The following COL11A1 variants were observed in gnomAD, a reference collection of about 807,000 sequenced individuals.
COL11A1 encodes collagen type XI alpha 1 chain.
COL11A1 carries 74 observed loss-of-function variants against 265.2 expected under a neutral mutation model. That is an observed-to-expected ratio of 0.28 (90% CI 0.23 to 0.34). COL11A1 has a LOEUF of 0.34. Among genes scored for constraint, COL11A1 ranks in the 10% least tolerant of loss-of-function variants. COL11A1 has a pLI of 1.00. For missense variants in COL11A1, 2,165 were observed against 2,263.6 expected (o/e 0.96, Z 0.88); for synonymous variants, 816 against 727.6 (o/e 1.12, Z -1.96).
Position 103,012,419 on chromosome 1 carries a change from A to G in COL11A1, c.1623T>C (p.Gly541=), listed in dbSNP as rs913191650. The change falls in exon 14 of 67, where the codon GGT becomes GGC. Residue 541 remains glycine (G), a synonymous_variant. Transcript: ENST00000370096. ...CTTTGTTGGGGTAACCTACCACAGG[A>G]CCTGGTCTTCCAGTTAGACCCATTG... ...PGPMGLTGRP[G]PVGGPGSSGA... 6.2e-7 allele frequency: 1 copy of G among 1,613,186 alleles called. No homozygotes were observed. Among genetic ancestry groups the G allele is most frequent in the Middle Eastern group, 1.7e-4 (1 of 6,060 alleles).
intron 1 of COL11A1, among the ~76,000 whole-genome samples, chr1:103,103,535 A>T (rs1486694572): frequency 1.3e-5 from 2 of 152,006 alleles, no homozygotes; most frequent in East Asian, 3.8e-4. Context: ...TAGAGTATTT[A>T]AAAAATTCAT....
intron 36 of COL11A1, among the ~76,000 whole-genome samples, chr1:102,971,519 C>G (rs865785673): frequency 1.3e-5 from 2 of 152,004 alleles, no homozygotes; most frequent in Non-Finnish European, 1.5e-5. Context: ...ACAGGTACAC[C>G]TCTCATTGTA....
rs554203334 is a variant in COL11A1, at chr1:102,952,889, AT to A, written c.3169-5934del. 6.5e-4 allele frequency among the ~76,000 whole-genome samples: 99 copies of A among 152,304 alleles called. 1 individual carries two copies. The Middle Eastern group carries it at 0.01, about 16-fold the overall frequency. The stretch of plus-strand genomic sequence containing the variant: ...TCAACAGAATCACTGGAGAAGTTAT[AT>A]TTTTTAAGCAAAAATTTAAGCCCAA... On this transcript the variant is annotated intron_variant, in intron 41 of 66. Coordinates refer to ENST00000370096, the MANE Select transcript of COL11A1 (RefSeq NM_001854.4).
chr1:102,939,801 G>C (rs984022), intron 43 of COL11A1, among the ~76,000 whole-genome samples: 82,709 of 151,902 alleles, frequency 0.54, 23,319 homozygotes, highest in East Asian at 0.86. Flanking sequence ...TCAGAGTGCT[G>C]GTTTAAAAAT....
At position 103,061,227 on chromosome 1, in the gene COL11A1, A is replaced by G. The variant is rs1184564656; in HGVS notation, c.651+13391T>C. Among the ~76,000 whole-genome samples the G allele has an allele frequency of 3.9e-5, 6 of 152,288 alleles. No individual in the cohort carries two copies. In the South Asian group the frequency reaches 1.2e-3, roughly 32 times the overall value. On this transcript the variant is annotated intron_variant, in intron 4 of 66. Coordinates refer to ENST00000370096, the MANE Select transcript of COL11A1 (RefSeq NM_001854.4). ...CCAAAAAGACATAAATCTTTAATGCATATGCACCTAACAAAATACATGAAG... is the reference window on the plus strand; with the variant it reads ...CCAAAAAGACATAAATCTTTAATGCGTATGCACCTAACAAAATACATGAAG...
intron 7 of COL11A1, among the ~76,000 whole-genome samples, chr1:103,024,735 A>T (rs76951892): frequency 0.079 from 12,023 of 152,158 alleles, 531 homozygotes; most frequent in Middle Eastern, 0.14. Flanking sequence ...TTTATTATTC[A>T]CAATTTTGTG....
At position 102,914,384 on chromosome 1, in the gene COL11A1, C is replaced by T; in HGVS notation, c.3946G>A (p.Asp1316Asn). The T allele has an allele frequency of 6.2e-7, 1 of 1,608,720 alleles. No homozygotes were observed. ...GNPGPVGFPG[D>N]PGPPGEPGPA... ...CCAGGTTCCCCAGGAGGACCAGGAT[C>T]TCCAGGAAAACCAACAGGACCCTAG... The change falls in exon 52 of 67, where the codon GAT (aspartate) becomes AAT (asparagine). Residue 1316 changes from aspartate to asparagine, a missense_variant. Asp to Asn is a conservative substitution (Grantham distance 23, BLOSUM62 1). Coordinates refer to ENST00000370096, the MANE Select transcript of COL11A1 (RefSeq NM_001854.4).
At chr1:103,036,867 T>A (rs1374763109) in intron 4 of COL11A1, among the ~76,000 whole-genome samples, 1 of 152,072 alleles carries the variant, frequency 6.6e-6, no homozygotes, top group African/African-American at 2.4e-5. Context: ...TACTTTGTGA[T>A]CTCCAGCTGT....
intron 38 of COL11A1, among the ~76,000 whole-genome samples, chr1:102,963,230 C>A (rs1315151747): frequency 6.6e-6 from 1 of 152,038 alleles, no homozygotes; most frequent in Non-Finnish European, 1.5e-5. Context: ...CAGTGGTTCT[C>A]CCTGGAATTT....
chr1:102,933,589 A>G (rs1657784272), intron 46 of COL11A1, among the ~76,000 whole-genome samples: 1 of 152,204 alleles, frequency 6.6e-6, no homozygotes, highest in Non-Finnish European at 1.5e-5. Context: ...AGAGGCAGGC[A>G]GGCCTCCTTG....
chr1:103,023,370 C>T (rs144371046), intron 7 of COL11A1, among the ~76,000 whole-genome samples: 12 of 142,990 alleles, frequency 8.4e-5, no homozygotes, highest in East Asian at 2.0e-4. Flanking sequence ...TTTTTTCTTT[C>T]TTTTTTTTTT....
chr1:103,082,881 A>G lies in COL11A1; in HGVS notation c.198T>C (p.Asn66=), dbSNP rs777941684. The change falls in exon 2 of 67, where the codon AAT becomes AAC. Residue 66 remains asparagine, a synonymous_variant. Transcript: ENST00000370096. ...KTTGFCTNRK[N]SKGSDTAYRV... is the part of the protein sequence containing the mutation. ...TGTAAGCAGTATCTGAGCCTTTAGA[A>G]TTCTTTCTGTTTGTGCAAAATCCCG... 8.7e-6 allele frequency: 14 copies of G among 1,613,756 alleles called. No homozygotes were observed. The highest frequency in any genetic ancestry group is 1.0e-5 in the Non-Finnish European group (12 of 1,179,754).
chr1:103,046,073 A>G (rs1235096177), intron 4 of COL11A1, among the ~76,000 whole-genome samples: 1 of 151,564 alleles, frequency 6.6e-6, no homozygotes, highest in African/African-American at 2.4e-5. Context: ...GTGCTGCAAT[A>G]AACATACGTG....
chr1:103,096,833 C>A (rs1055522234), intron 1 of COL11A1, among the ~76,000 whole-genome samples: 1 of 151,922 alleles, frequency 6.6e-6, no homozygotes, highest in Non-Finnish European at 1.5e-5. Flanking sequence ...GTTCTAAAAG[C>A]TGATATACTT....
chr1:103,105,424 A>G (rs1158634103), intron 1 of COL11A1, among the ~76,000 whole-genome samples: 2 of 152,196 alleles, frequency 1.3e-5, no homozygotes, highest in Non-Finnish European at 2.9e-5. Flanking sequence ...TGATTTTTCA[A>G]AGTAAAATAA....
chr1:103,045,014 T>C (rs1669132367), intron 4 of COL11A1, among the ~76,000 whole-genome samples: 2 of 152,022 alleles, frequency 1.3e-5, no homozygotes, highest in Non-Finnish European at 2.9e-5. Context: ...AAAAATGCTA[T>C]ATCTAAGAGA....
intron 4 of COL11A1, among the ~76,000 whole-genome samples, chr1:103,050,505 A>C (rs1571156124): frequency 6.6e-6 from 1 of 151,572 alleles, no homozygotes; most frequent in Admixed American, 6.6e-5. Context: ...CATTCGTCTA[A>C]TTTTTTTTCA....
chr1:103,065,963 A>G (rs974833719), intron 4 of COL11A1, among the ~76,000 whole-genome samples: 1 of 152,214 alleles, frequency 6.6e-6, no homozygotes, highest in South Asian at 2.1e-4. Flanking sequence ...GTTGTGCATC[A>G]GAAAACACAG....
At position 102,887,082 on chromosome 1, in the gene COL11A1, A is replaced by G. The variant is rs770442268; in HGVS notation, c.4609-26T>C. 13 of 1,613,032 alleles carry G rather than the reference A, an allele frequency of 8.1e-6. 1 individual carries two copies. In the South Asian group the frequency reaches 1.1e-4, roughly 14 times the overall value. ...CTGTAAAGAAGATAATGTGAGTGCA[A>G]TTGTTTCATAAAGTGGAATATTCTG... On this transcript the variant is annotated intron_variant, in intron 62 of 66. Transcript: ENST00000370096.
Sources: gnomAD v4.1 joint callset for allele counts (sites outside exome capture counted in the v4.1 genomes callset) on GRCh38, gnomAD v4.1.1 for gene constraint, MANE v1.5 for transcripts, NCBI Gene and HGNC (gene_info 2026-07-23, HGNC 2026-07-21) for gene names.